Variants in KIAA1217 observed in about 807,000 individuals in gnomAD.
KIAA1217 encodes sickle tail protein homolog.
A neutral mutation model predicts 163.9 loss-of-function variants in KIAA1217; 88 were observed. The observed-to-expected ratio is 0.54, with a 90% CI of 0.45 to 0.64. KIAA1217 has a LOEUF of 0.64. KIAA1217 is among the 30% of genes least tolerant of loss of function. KIAA1217 has a pLI of 0.00. For synonymous variants in KIAA1217, 903 were observed against 923.1 expected (o/e 0.98, Z 0.39); for missense variants, 2,372 against 2,475.0 (o/e 0.96, Z 0.88).
chr10:24,381,869 C>T lies in KIAA1217; in HGVS notation c.553+802C>T, dbSNP rs116411818. Among the ~76,000 whole-genome samples the T allele has an allele frequency of 3.4e-3, 512 of 152,312 alleles. 1 individual carries two copies. The highest frequency in any genetic ancestry group is 0.012 in the African/African-American group (486 of 41,560). On this transcript the variant is annotated intron_variant, in intron 3 of 20. Transcript: ENST00000376454. ...GAGATGACAAAAAGGGACAATGTGG[C>T]TAACATCTGCATGACTGTTCATAAG...
chr10:24,098,814 C>G (rs2062272124), intron 2 of KIAA1217, among the ~76,000 whole-genome samples: 1 of 151,142 alleles, frequency 6.6e-6, no homozygotes, highest in African/African-American at 2.4e-5. Flanking sequence ...AAGACCCTGT[C>G]TCTGAAAAAA....
At position 24,220,468 on chromosome 10, in the gene KIAA1217, T is replaced by TC. The variant is rs1449648145; in HGVS notation, c.354+559_354+560insC. Among the ~76,000 whole-genome samples, 8 of 134,138 alleles carry TC rather than the reference T, an allele frequency of 6.0e-5. No homozygotes were observed. In the South Asian group the frequency reaches 1.5e-3, roughly 25 times the overall value. 88.0% of individuals were successfully genotyped at this position (134,138 alleles called of 152,430 possible). On this transcript the variant is annotated intron_variant, in intron 2 of 20. Transcript: ENST00000376454. ...CTTCTTTTTTTTTTTTTTTTTTTTT[T>TC]TTTTGAGATGGAGTCTTGCTCTGTC...
intron 13 of KIAA1217, among the ~76,000 whole-genome samples, chr10:24,525,661 G>C (rs192612399): frequency 1.3e-5 from 2 of 152,294 alleles, no homozygotes; most frequent in Non-Finnish European, 2.9e-5. Flanking sequence ...CGGTAGAGCA[G>C]TCAGAATGAA....
At chr10:24,299,487 C>A (rs965376236) in intron 2 of KIAA1217, among the ~76,000 whole-genome samples, 1 of 152,174 alleles carries the variant, frequency 6.6e-6, no homozygotes, top group African/African-American at 2.4e-5. Context: ...CAGCCTTGAC[C>A]TCCCTGGCTC....
chr10:23,772,196 C>T (rs1479907661), intron 1 of KIAA1217, among the ~76,000 whole-genome samples: 1 of 152,176 alleles, frequency 6.6e-6, no homozygotes, highest in South Asian at 2.1e-4. Context: ...TGTTTATGCT[C>T]TTGACACTTG....
chr10:24,343,878 T>G (rs1029757196), intron 2 of KIAA1217, among the ~76,000 whole-genome samples: 1 of 152,234 alleles, frequency 6.6e-6, no homozygotes, highest in African/African-American at 2.4e-5. Context: ...AATGCCACTT[T>G]GTGAGATCCA....
chr10:23,849,005 A>G (rs532060172), intron 1 of KIAA1217, among the ~76,000 whole-genome samples: 3 of 152,132 alleles, frequency 2.0e-5, no homozygotes, highest in African/African-American at 4.8e-5. Context: ...TCTATTTTCT[A>G]TTTCCCCAGA....
chr10:23,980,729 AGGCGAATCAGCTCATCCTTGAT>A (rs1845729046), intron 1 of KIAA1217, among the ~76,000 whole-genome samples: 1 of 152,166 alleles, frequency 6.6e-6, no homozygotes, highest in Admixed American at 6.5e-5. Flanking sequence ...TTGATTCTAC[AGGCGAATCAGCTCATCCTTGAT>A]GGCAAATTAT....
chr10:24,173,841 T>G (rs1279235221), intron 2 of KIAA1217, among the ~76,000 whole-genome samples: 1 of 152,218 alleles, frequency 6.6e-6, no homozygotes, highest in Non-Finnish European at 1.5e-5. Flanking sequence ...GGACTGTGAC[T>G]TCAAAAAAAG....
At chr10:24,426,317 T>C (rs1427911842) in intron 3 of KIAA1217, among the ~76,000 whole-genome samples, 5 of 152,148 alleles carry the variant, frequency 3.3e-5, no homozygotes, top group African/African-American at 1.2e-4. Context: ...CAAACCATAA[T>C]GCAGGATTAA....
chr10:23,950,050 G>A (rs1189392552), intron 1 of KIAA1217, among the ~76,000 whole-genome samples: 1 of 152,152 alleles, frequency 6.6e-6, no homozygotes, highest in Non-Finnish European at 1.5e-5. Context: ...TTGGGAAATT[G>A]CAATCGTTCA....
chr10:24,122,958 T>C (rs561491328), intron 2 of KIAA1217, among the ~76,000 whole-genome samples: 53 of 152,018 alleles, frequency 3.5e-4, no homozygotes, highest in African/African-American at 1.3e-3. Context: ...ACCAAAAATA[T>C]GTTATTTTGC....
At chr10:24,361,112 A>C (rs1008822554) in intron 2 of KIAA1217, among the ~76,000 whole-genome samples, 1 of 151,786 alleles carries the variant, frequency 6.6e-6, no homozygotes, top group Non-Finnish European at 1.5e-5. Flanking sequence ...TCCTTCTCCT[A>C]TTTTTTTCTA....
Position 24,340,267 on chromosome 10 carries a change from G to A in KIAA1217, c.355-40602G>A, listed in dbSNP as rs748925491. On this transcript the variant is annotated intron_variant, in intron 2 of 20. Transcript: ENST00000376454. ...GTAGCTCCCACAGTTCCCATGTGTCGTGGGAAGAACCCGGTGTGAGATAAT... is the reference window on the plus strand; with the variant it reads ...GTAGCTCCCACAGTTCCCATGTGTCATGGGAAGAACCCGGTGTGAGATAAT... Among the ~76,000 whole-genome samples the A allele has an allele frequency of 9.9e-5, 15 of 152,132 alleles. No individual in the cohort carries two copies. In the South Asian group the frequency reaches 1.2e-3, roughly 13 times the overall value.
At chr10:24,284,551 C>T (rs1421399871) in intron 2 of KIAA1217, among the ~76,000 whole-genome samples, 4 of 152,244 alleles carry the variant, frequency 2.6e-5, no homozygotes, top group Non-Finnish European at 4.4e-5. Flanking sequence ...GCAAAGGACA[C>T]GATTTTGGTT....
At chr10:24,468,926 G>A (rs1194104675) in intron 5 of KIAA1217, among the ~76,000 whole-genome samples, 4 of 152,018 alleles carry the variant, frequency 2.6e-5, no homozygotes, top group African/African-American at 4.8e-5. Flanking sequence ...CATTTTAAAG[G>A]TTATTTATAT....
intron 2 of KIAA1217, among the ~76,000 whole-genome samples, chr10:24,164,809 T>C (rs1486900748): frequency 6.6e-6 from 1 of 152,130 alleles, no homozygotes; most frequent in Admixed American, 6.6e-5. Flanking sequence ...TCAGAACCAG[T>C]TGTGCCCCAG....
chr10:24,420,269 T>C (rs984992678), intron 3 of KIAA1217, among the ~76,000 whole-genome samples: 2 of 152,190 alleles, frequency 1.3e-5, no homozygotes, highest in African/African-American at 4.8e-5. Flanking sequence ...GATGTGACAT[T>C]TTTCATTTTT....
chr10:24,223,711 CTTT>C (rs535787368), intron 2 of KIAA1217, among the ~76,000 whole-genome samples: 5 of 128,468 alleles, frequency 3.9e-5, no homozygotes, highest in African/African-American at 2.9e-5. Context: ...AATCTAGGTT[CTTT>C]TTTTTTTTTT....
Sources: allele counts gnomAD v4.1 joint callset (sites outside exome capture counted in the v4.1 genomes callset), GRCh38; gene constraint gnomAD v4.1.1; transcripts MANE v1.5; gene names NCBI Gene and HGNC (gene_info 2026-07-23, HGNC 2026-07-21).